The following TERB2 variants were observed in gnomAD, a reference collection of about 807,000 sequenced individuals.
The protein encoded by TERB2 is telomere repeats-binding bouquet formation protein 2.
In TERB2, 26 loss-of-function variants were observed where a neutral mutation model predicts 29.8. The ratio of observed to expected loss-of-function variants is 0.87; its 90% CI spans 0.64 to 1.21. The LOEUF (loss-of-function observed/expected upper bound fraction) is 1.21, where lower values mean the gene tolerates loss of function less well. Among genes scored for constraint, TERB2 ranks in the 50% most tolerant of loss-of-function variants. TERB2 has a pLI of 0.00. For synonymous variants in TERB2, 80 were observed against 90.8 expected (o/e 0.88, Z 0.68); for missense variants, 240 against 268.6 (o/e 0.89, Z 0.74).
At chr15:44,958,659 G>T in intron 3 of TERB2, 147 bp downstream of exon 3, 2 of 866,770 alleles carry the variant, frequency 2.3e-6, no homozygotes, top group Non-Finnish European at 3.5e-6. Context: ...AAAAAGCATG[G>T]ACTTTGGATC....
At chr15:44,966,679 G>T (rs540785123) in intron 5 of TERB2, among the ~76,000 whole-genome samples, 231 of 152,176 alleles carry the variant, frequency 1.5e-3, no homozygotes, top group African/African-American at 5.2e-3. Context: ...AACTACAAAA[G>T]AATCTTAAAA....
Position 44,956,729 on chromosome 15 carries a change from G to C in TERB2, c.11G>C (p.Gly4Ala). Reference sequence around the variant, plus strand: ...AGGCTTGGCGACGCCATGTTTCAAGGGCAGCGCGGTTGGTTTTGCGGCAGC... The same window carrying C: ...AGGCTTGGCGACGCCATGTTTCAAGCGCAGCGCGGTTGGTTTTGCGGCAGC... The part of the protein sequence containing the change: MFQ[G>A]QRGWFCGSVS... Residue 4 changes from glycine to alanine, a missense_variant, in exon 1 of 7, where the codon GGG (glycine) becomes GCG (alanine). Coordinates refer to ENST00000340827, the MANE Select transcript of TERB2 (RefSeq NM_152448.3). 1.9e-6 allele frequency: 3 copies of C among 1,610,852 alleles called. No individual in the cohort carries two copies. The highest frequency in any genetic ancestry group is 1.7e-5 in the Admixed American group (1 of 59,006).
intron 4 of TERB2, among the ~76,000 whole-genome samples, chr15:44,965,513 A>T (rs1409504745): frequency 6.9e-6 from 1 of 144,294 alleles, no homozygotes; most frequent in African/African-American, 2.5e-5. Context: ...ATATTTATAT[A>T]GATATATATA....
chr15:44,973,752 A>G (rs1294867507), intron 5 of TERB2, 115 bp from the exon 6 acceptor site: 6 of 750,618 alleles, frequency 8.0e-6, no homozygotes, highest in Non-Finnish European at 1.0e-5. Context: ...ATACTATAGT[A>G]AAGGTAATTA....
intron 4 of TERB2, among the ~76,000 whole-genome samples, chr15:44,963,804 CTTTTTT>C (rs34438861): frequency 2.5e-5 from 2 of 79,168 alleles, no homozygotes; most frequent in South Asian, 4.3e-4. Flanking sequence ...TTATACTATT[CTTTTTT>C]TTTTTTTTTT....
In TERB2 at chr15:44,956,839, C is replaced by A. The variant is rs189488147; in HGVS notation, c.64+57C>A. On this transcript the variant is annotated intron_variant, in intron 1 of 6. Coordinates refer to ENST00000340827, the MANE Select transcript of TERB2 (RefSeq NM_152448.3). ...TGGTGAGGGGAGCATCCTCCTCTCT[C>A]TGATGCTTTGGGTCCAGGGTGCTTG... 294 of 1,609,554 alleles carry A rather than the reference C, an allele frequency of 1.8e-4. 2 individuals carry two copies. The East Asian group carries it at 6.0e-3, about 33-fold the overall frequency.
intron 4 of TERB2, among the ~76,000 whole-genome samples, chr15:44,963,587 A>G (rs905745591): frequency 6.6e-6 from 1 of 151,732 alleles, no homozygotes; most frequent in Admixed American, 6.6e-5. Context: ...ACTGTATTAC[A>G]TTTTATTTTC....
intron 5 of TERB2, chr15:44,971,107 T>C: frequency 6.4e-6 from 1 of 155,344 alleles, no homozygotes. Context: ...GAAACTGGAG[T>C]TGCTGGGGTT....
chr15:44,978,819 TAAC>T lies in TERB2; in HGVS notation c.*196_*198del, dbSNP rs1467158946. 3.1e-6 allele frequency: 2 copies of T among 652,840 alleles called. No homozygotes were observed. The highest frequency in any genetic ancestry group is 4.3e-6 in the Non-Finnish European group (2 of 460,414). The allele number at this position is 652,840 out of a possible 1,614,324, so 40.4% of individuals were successfully genotyped here. A position where few individuals can be genotyped will look rare whatever the true frequency, so the allele number is the denominator to read the frequency against. ...GTTTTGACATTTTTCCCCTAGCTTT[TAAC>T]AACATGTTCAAATATTCTCAATGCA... is the stretch of plus-strand genomic sequence containing the variant. On this transcript the variant is annotated 3_prime_UTR_variant, in exon 7 of 7. Coordinates refer to ENST00000340827, the MANE Select transcript of TERB2 (RefSeq NM_152448.3).
chr15:44,965,200 A>C (rs918138240), intron 4 of TERB2, among the ~76,000 whole-genome samples: 2 of 148,392 alleles, frequency 1.3e-5, no homozygotes, highest in African/African-American at 4.9e-5. Flanking sequence ...AAAAGGAAAA[A>C]AAAGAAACTT....
intron 6 of TERB2, among the ~76,000 whole-genome samples, chr15:44,977,186 G>A (rs1892059802): frequency 6.6e-6 from 1 of 152,074 alleles, no homozygotes. Flanking sequence ...TTAACTCTGA[G>A]TCCCAGCAAT....
At position 44,970,777 on chromosome 15, in the gene TERB2, C is replaced by T. The variant is rs574168325; in HGVS notation, c.435-3090C>T. 71 of 159,592 alleles carry T rather than the reference C, an allele frequency of 4.4e-4. 1 individual carries two copies. In the South Asian group the frequency reaches 0.011, roughly 26 times the overall value. The allele number at this position is 159,592 out of a possible 1,614,324, so 9.9% of individuals were successfully genotyped here. A position where few individuals can be genotyped will look rare whatever the true frequency, so the allele number is the denominator to read the frequency against. ...GCTGAGTTTCCACCTCTGTCCTTAG[C>T]TAGAGTTCTACTTCTTTAGATTGCA... On this transcript the variant is annotated intron_variant, in intron 5 of 6. Coordinates refer to ENST00000340827, the MANE Select transcript of TERB2 (RefSeq NM_152448.3).
intron 4 of TERB2, 148 bp from the exon 5 acceptor site, chr15:44,966,010 C>A: frequency 2.5e-6 from 1 of 400,878 alleles, no homozygotes; most frequent in Non-Finnish European, 4.4e-6. Flanking sequence ...TTTCTTCACT[C>A]AGCTAGATTG....
chr15:44,965,482 A>G (rs148363136), intron 4 of TERB2, among the ~76,000 whole-genome samples: 2,109 of 143,902 alleles, frequency 0.015, 61 homozygotes, highest in African/African-American at 0.051. Flanking sequence ...ATAAAGATAT[A>G]TATTTATATA....
At chr15:44,966,682 T>C (rs1229728343) in intron 5 of TERB2, among the ~76,000 whole-genome samples, 3 of 152,198 alleles carry the variant, frequency 2.0e-5, no homozygotes, top group Non-Finnish European at 4.4e-5. Context: ...TACAAAAGAA[T>C]CTTAAAATAT....
intron 5 of TERB2, among the ~76,000 whole-genome samples, chr15:44,973,172 C>T (rs937943637): frequency 5.9e-5 from 9 of 152,214 alleles, no homozygotes; most frequent in South Asian, 2.1e-4. Context: ...TGAGCCACTG[C>T]GCCTCGCCTA....
chr15:44,960,880 T>A (rs990565322), intron 3 of TERB2, among the ~76,000 whole-genome samples: 2 of 152,056 alleles, frequency 1.3e-5, no homozygotes, highest in Non-Finnish European at 1.5e-5. Flanking sequence ...AGAATTCCTG[T>A]ACTACCATGT....
intron 6 of TERB2, 89 bp downstream of exon 6, chr15:44,974,044 TAG>T (rs1892008527): frequency 8.1e-7 from 1 of 1,228,038 alleles, no homozygotes; most frequent in African/African-American, 1.6e-5. Flanking sequence ...TTCAGATACC[TAG>T]AGAGTAGAGC....
At chr15:44,961,862 G>C (rs1891809042) in intron 4 of TERB2, among the ~76,000 whole-genome samples, 2 of 152,054 alleles carry the variant, frequency 1.3e-5, no homozygotes, top group African/African-American at 4.8e-5. Flanking sequence ...ACCACGCCCG[G>C]CTAATTTTTT....
Sources: gnomAD v4.1 joint callset for allele counts (sites outside exome capture counted in the v4.1 genomes callset) on GRCh38, gnomAD v4.1.1 for gene constraint, MANE v1.5 for transcripts, NCBI Gene and HGNC (gene_info 2026-07-23, HGNC 2026-07-21) for gene names.